Variants in UBE3D observed in about 807,000 individuals in gnomAD.
UBE3D encodes ubiquitin protein ligase E3D.
In UBE3D, 48 loss-of-function variants were observed where a neutral mutation model predicts 49.6. The observed-to-expected ratio is 0.97, with a 90% CI of 0.77 to 1.23. The LOEUF is 1.23. UBE3D is among the 50% of genes most tolerant of loss of function. The pLI, the probability that UBE3D is intolerant of heterozygous loss-of-function variation, is 0.00. For missense variants in UBE3D, 452 were observed against 468.4 expected, an observed-to-expected ratio of 0.96 and a Z score of 0.32; for synonymous variants, 189 against 174.2, an observed-to-expected ratio of 1.08 and a Z score of -0.67.
chr6:82,905,873 T>C (rs937087712), intron 9 of UBE3D, among the ~76,000 whole-genome samples: 3 of 152,154 alleles, frequency 2.0e-5, no homozygotes, highest in Non-Finnish European at 2.9e-5. Context: ...CTAGTAAAGA[T>C]ACAACAAATC....
intron 3 of UBE3D, among the ~76,000 whole-genome samples, chr6:83,053,277 C>T (rs1162713007): frequency 6.6e-6 from 1 of 152,086 alleles, no homozygotes; most frequent in African/African-American, 2.4e-5. Context: ...GGTAGAAGTA[C>T]AGCATTACTG....
chr6:82,995,281 T>C (rs1304971631), intron 8 of UBE3D, among the ~76,000 whole-genome samples: 1 of 152,148 alleles, frequency 6.6e-6, no homozygotes, highest in African/African-American at 2.4e-5. Flanking sequence ...GACTCAGCAG[T>C]TTCAGTAAAT....
chr6:82,933,223 C>G (rs1292687115), intron 9 of UBE3D, among the ~76,000 whole-genome samples: 1 of 152,142 alleles, frequency 6.6e-6, no homozygotes, highest in Non-Finnish European at 1.5e-5. Flanking sequence ...TCTTTTATAT[C>G]CAGAGCAAAT....
At chr6:82,977,647 GGC>G (rs1777822426) in intron 8 of UBE3D, among the ~76,000 whole-genome samples, 1 of 152,092 alleles carries the variant, frequency 6.6e-6, no homozygotes, top group African/African-American at 2.4e-5. Flanking sequence ...AGACCAGCCT[GGC>G]CAACATGGTG....
At chr6:82,891,996 G>A (rs913116286), downstream of UBE3D, among the ~76,000 whole-genome samples, 24 of 150,172 alleles carry the variant, frequency 1.6e-4, no homozygotes, top group African/African-American at 5.7e-4. Flanking sequence ...GCTGGGCAAC[G>A]AGAGCTAAAT....
chr6:82,995,648 C>T (rs1201602191), intron 8 of UBE3D, among the ~76,000 whole-genome samples: 1 of 152,030 alleles, frequency 6.6e-6, no homozygotes, highest in Non-Finnish European at 1.5e-5. Context: ...AAAAAAGGTG[C>T]AATTTTATCA....
chr6:83,059,589 T>C (rs1170331796), intron 1 of UBE3D, among the ~76,000 whole-genome samples: 1 of 152,212 alleles, frequency 6.6e-6, no homozygotes, highest in Non-Finnish European at 1.5e-5. Context: ...ACCACTGGGT[T>C]CCTAAGTCCC....
chr6:82,924,346 C>G (rs762262394), intron 9 of UBE3D, among the ~76,000 whole-genome samples: 1 of 152,056 alleles, frequency 6.6e-6, no homozygotes, highest in African/African-American at 2.4e-5. Flanking sequence ...TCAAAAACCT[C>G]AAAAATATTC....
intron 9 of UBE3D, among the ~76,000 whole-genome samples, chr6:82,911,471 A>G (rs1772521758): frequency 6.6e-6 from 1 of 152,212 alleles, no homozygotes; most frequent in African/African-American, 2.4e-5. Flanking sequence ...TTTTCTAATT[A>G]CATGAAAATA....
At chr6:82,929,224 T>G (rs1431821523) in intron 9 of UBE3D, among the ~76,000 whole-genome samples, 1 of 152,168 alleles carries the variant, frequency 6.6e-6, no homozygotes, top group Non-Finnish European at 1.5e-5. Context: ...CATGTTTGTC[T>G]TACATAACTG....
rs186995219 is a variant in UBE3D, at chr6:82,941,138, G to A, written c.1149+16174C>T. The stretch of plus-strand genomic sequence containing the variant: ...GGAGAATTGCTTGAACCCAAGAGGC[G>A]GAGGTTGCAATGAGCTGAGATCGTG... On this transcript the variant is annotated intron_variant, in intron 9 of 9. Coordinates refer to ENST00000369747, the MANE Select transcript of UBE3D (RefSeq NM_198920.3). Among the ~76,000 whole-genome samples the A allele has an allele frequency of 4.4e-3, 665 of 152,054 alleles. 6 individuals are homozygous for A. Among genetic ancestry groups the A allele is most frequent in the African/African-American group, 8.0e-3 (332 of 41,474 alleles).
At chr6:83,004,782 C>G (rs945277343) in intron 8 of UBE3D, among the ~76,000 whole-genome samples, 1 of 152,094 alleles carries the variant, frequency 6.6e-6, no homozygotes, top group African/African-American at 2.4e-5. Context: ...TATAATTAAC[C>G]TTTGTTTCTT....
intron 3 of UBE3D, among the ~76,000 whole-genome samples, chr6:83,053,418 T>C (rs1379202595): frequency 1.3e-5 from 2 of 152,162 alleles, no homozygotes; most frequent in Non-Finnish European, 2.9e-5. Context: ...TTAACAATAA[T>C]TAGGATTTAA....
At chr6:83,058,079 T>C (rs1016683970) in intron 1 of UBE3D, 57 bp from the exon 2 acceptor site, 5 of 1,563,502 alleles carry the variant, frequency 3.2e-6, no homozygotes, top group Non-Finnish European at 3.5e-6. Context: ...AACCACATGA[T>C]GAAAGAAACA....
At chr6:83,048,009 G>A (rs1783189628) in intron 3 of UBE3D, among the ~76,000 whole-genome samples, 1 of 147,002 alleles carries the variant, frequency 6.8e-6, no homozygotes, top group African/African-American at 2.5e-5. Flanking sequence ...CTGAACCCGG[G>A]AGGCGGAGCT....
chr6:82,995,743 G>A (rs1423396251), intron 8 of UBE3D, among the ~76,000 whole-genome samples: 1 of 152,088 alleles, frequency 6.6e-6, no homozygotes, highest in Non-Finnish European at 1.5e-5. Context: ...AAAGCCCATA[G>A]GAGAGAATTG....
At chr6:82,904,988 G>A (rs2127720437) in intron 9 of UBE3D, among the ~76,000 whole-genome samples, 1 of 152,258 alleles carries the variant, frequency 6.6e-6, no homozygotes, top group African/African-American at 2.4e-5. Context: ...CTAAAGGTTT[G>A]TAATGGGCAA....
At chr6:83,021,398 T>C (rs1781078605) in intron 7 of UBE3D, among the ~76,000 whole-genome samples, 1 of 151,880 alleles carries the variant, frequency 6.6e-6, no homozygotes, top group Non-Finnish European at 1.5e-5. Flanking sequence ...GTCATAATCA[T>C]GCCATTGCAC....
chr6:82,900,011 C>T (rs1771612197), intron 9 of UBE3D, among the ~76,000 whole-genome samples: 1 of 152,142 alleles, frequency 6.6e-6, no homozygotes, highest in African/African-American at 2.4e-5. Context: ...AATGGTGCTA[C>T]CTCAATACAT....
Sources: allele counts gnomAD v4.1 joint callset (sites outside exome capture counted in the v4.1 genomes callset), GRCh38; gene constraint gnomAD v4.1.1; transcripts MANE v1.5; gene names NCBI Gene and HGNC (gene_info 2026-07-23, HGNC 2026-07-21).